The following SEZ6 variants were observed in gnomAD, a reference collection of about 807,000 sequenced individuals.
The protein encoded by SEZ6 is seizure protein 6 homolog.
A neutral mutation model predicts 101.0 loss-of-function variants in SEZ6; 53 were observed. The ratio of observed to expected loss-of-function variants is 0.52; its 90% CI spans 0.42 to 0.66. The LOEUF (loss-of-function observed/expected upper bound fraction) is 0.66, where lower values mean the gene tolerates loss of function less well. Ranked by LOEUF, SEZ6 falls within the 30% of genes least tolerant of loss-of-function variation. The pLI is 0.00. For missense variants in SEZ6, 1,102 were observed against 1,289.4 expected (o/e 0.85, Z 2.23); for synonymous variants, 488 against 512.2 (o/e 0.95, Z 0.64).
intron 1 of SEZ6, among the ~76,000 whole-genome samples, chr17:28,985,399 C>T (rs368228516): frequency 6.3e-4 from 96 of 152,342 alleles, no homozygotes; most frequent in African/African-American, 2.1e-3. Flanking sequence ...AAACCCAAAC[C>T]GGAGACCCAA....
intron 3 of SEZ6, among the ~76,000 whole-genome samples, chr17:28,979,103 A>G (rs954687677): frequency 1.3e-5 from 2 of 152,082 alleles, no homozygotes; most frequent in Admixed American, 1.3e-4. Context: ...AGCCTGTGGG[A>G]CATCTGTGAG....
intron 4 of SEZ6, 86 bp downstream of exon 4, chr17:28,969,671 A>G: frequency 1.6e-6 from 2 of 1,235,108 alleles, no homozygotes; most frequent in South Asian, 2.0e-5. Flanking sequence ...CCTTCCCTCT[A>G]GGATGTAATT....
Position 28,955,944 on chromosome 17 carries a change from C to T in SEZ6, c.*18G>A. 1 of 1,611,106 alleles carries T rather than the reference C, an allele frequency of 6.2e-7. No individual in the cohort carries two copies. The highest frequency in any genetic ancestry group is 8.5e-7 in the Non-Finnish European group (1 of 1,178,752). ...TCTGAGTTGACTTCCCTAGACTGCC[C>T]CCACCTAGATGGAGACTTCATATTC... On this transcript the variant is annotated 3_prime_UTR_variant, in exon 17 of 17. Coordinates refer to ENST00000317338, the MANE Select transcript of SEZ6 (RefSeq NM_178860.5).
intron 1 of SEZ6, among the ~76,000 whole-genome samples, chr17:28,993,975 G>C (rs917570234): frequency 4.6e-5 from 7 of 152,226 alleles, no homozygotes; most frequent in African/African-American, 1.7e-4. Flanking sequence ...TTTGCCCTGT[G>C]GTTACTTTTG....
At chr17:28,994,460 G>C (rs1454879455) in intron 1 of SEZ6, among the ~76,000 whole-genome samples, 1 of 152,054 alleles carries the variant, frequency 6.6e-6, no homozygotes, top group African/African-American at 2.4e-5. Context: ...ATTTTTATTA[G>C]AGACAGGGTT....
At chr17:28,982,325 C>T (rs2041320258) in intron 1 of SEZ6, among the ~76,000 whole-genome samples, 1 of 152,194 alleles carries the variant, frequency 6.6e-6, no homozygotes, top group Non-Finnish European at 1.5e-5. Flanking sequence ...CCTCAGAATC[C>T]TCCTCAACAC....
intron 1 of SEZ6, among the ~76,000 whole-genome samples, chr17:29,001,352 G>A (rs746969418): frequency 6.6e-6 from 1 of 152,208 alleles, no homozygotes; most frequent in Non-Finnish European, 1.5e-5. Flanking sequence ...TGCTGCTGGA[G>A]CATCAAGCAA....
At chr17:28,995,409 G>C (rs1268591753) in intron 1 of SEZ6, among the ~76,000 whole-genome samples, 1 of 152,160 alleles carries the variant, frequency 6.6e-6, no homozygotes, top group East Asian at 1.9e-4. Flanking sequence ...AGAGGGCCTG[G>C]AGAGAGCGCT....
intron 4 of SEZ6, 99 bp from the exon 5 acceptor site, chr17:28,964,246 G>C: frequency 7.9e-7 from 1 of 1,269,544 alleles, no homozygotes; most frequent in Non-Finnish European, 1.1e-6. Flanking sequence ...GCCTGGAGGT[G>C]TCATTTGGGG....
rs779510170 is a variant in SEZ6, at chr17:28,981,903, C to A, written c.192G>T (p.Leu64Phe). 6.2e-7 allele frequency: 1 copy of A among 1,613,918 alleles called. No individual in the cohort carries two copies. The highest frequency in any genetic ancestry group is 8.5e-7 in the Non-Finnish European group (1 of 1,179,882). ...GCAGCGGGTGGTGGTTGAGCAGCTT[C>A]AAGGTGGGGGCTGTTGTGACAAAGT... ...GVHFVTTAPT[L>F]KLLNHHPLLE... The change falls in exon 2 of 17, where the codon TTG becomes TTT. Residue 64 changes from leucine (L) to phenylalanine (F), a missense_variant. Around this residue, in one of 3 missense-constraint regions of SEZ6, gnomAD observed 406 missense variants for 418.6 expected, o/e 0.97. Coordinates refer to ENST00000317338, the MANE Select transcript of SEZ6 (RefSeq NM_178860.5).
intron 4 of SEZ6, among the ~76,000 whole-genome samples, chr17:28,966,989 G>A (rs1003456553): frequency 2.0e-5 from 3 of 152,180 alleles, no homozygotes; most frequent in African/African-American, 7.2e-5. Context: ...GACTGCCTGG[G>A]TTTGAATGCA....
rs533181662 is a variant in SEZ6 at position 29,004,124 on chromosome 17, C to T, written c.55+1691G>A. ...CACTGCTGACCCCTCACCCAAGATT[C>T]GGACCACTTGAAGTGCAGACACACT... On this transcript the variant is annotated intron_variant, in intron 1 of 16. Transcript: ENST00000317338. Among the ~76,000 whole-genome samples, 17 of 152,330 alleles carry T rather than the reference C, an allele frequency of 1.1e-4. No individual in the cohort carries two copies. In the South Asian group the frequency reaches 2.3e-3, roughly 20 times the overall value.
At chr17:28,969,509 G>C (rs538961633) in intron 4 of SEZ6, among the ~76,000 whole-genome samples, 1 of 152,306 alleles carries the variant, frequency 6.6e-6, no homozygotes. Flanking sequence ...GGCACACCTA[G>C]AGGCTACCTG....
At chr17:28,986,909 G>A (rs1598205087) in intron 1 of SEZ6, among the ~76,000 whole-genome samples, 1 of 152,346 alleles carries the variant, frequency 6.6e-6, no homozygotes, top group East Asian at 1.9e-4. Context: ...CTGTCACTCT[G>A]GCAGCCCCTG....
At chr17:28,976,519 TG>T (rs2041223503) in intron 3 of SEZ6, among the ~76,000 whole-genome samples, 1 of 152,102 alleles carries the variant, frequency 6.6e-6, no homozygotes, top group Non-Finnish European at 1.5e-5. Context: ...GAGGGGCAGG[TG>T]GGGAATTCTC....
rs904067796 is a variant in SEZ6, at chr17:29,001,212, C to T, written c.55+4603G>A. ...AGCTTCAAGATTCGGTCCCAGCTGCCATAGGCCCGCCTCCCCTTTCTAACC... is the reference window on the plus strand; with the variant it reads ...AGCTTCAAGATTCGGTCCCAGCTGCTATAGGCCCGCCTCCCCTTTCTAACC... On this transcript the variant is annotated intron_variant, in intron 1 of 16. Transcript: ENST00000317338. Among the ~76,000 whole-genome samples the T allele has an allele frequency of 3.2e-4, 49 of 152,358 alleles. 1 individual carries two copies. The Middle Eastern group carries it at 0.01, about 32-fold the overall frequency.
At chr17:28,957,873 G>A (rs888204754) in intron 11 of SEZ6, 74 bp downstream of exon 11, 1 of 1,507,242 alleles carries the variant, frequency 6.6e-7, no homozygotes, top group Non-Finnish European at 9.1e-7. Context: ...AACAGCTACA[G>A]TCTGGTTCAG....
At chr17:28,965,974 A>G (rs1313764690) in intron 4 of SEZ6, among the ~76,000 whole-genome samples, 3 of 151,850 alleles carry the variant, frequency 2.0e-5, no homozygotes, top group African/African-American at 7.3e-5. Flanking sequence ...CCCCATCTCT[A>G]CTAATAAAAT....
chr17:28,975,969 A>T (rs1279654487), intron 3 of SEZ6, among the ~76,000 whole-genome samples: 1 of 152,224 alleles, frequency 6.6e-6, no homozygotes, highest in Non-Finnish European at 1.5e-5. Context: ...GGGGAGACTG[A>T]CTGCCTGGGG....
Sources: gnomAD v4.1 joint callset for allele counts (sites outside exome capture counted in the v4.1 genomes callset) on GRCh38, gnomAD v4.1.1 for gene constraint, gnomAD v4.1.1 regional missense constraint, MANE v1.5 for transcripts, NCBI Gene and HGNC (gene_info 2026-07-23, HGNC 2026-07-21) for gene names.